Variants in LINGO2 observed in about 807,000 individuals in gnomAD.
LINGO2 encodes leucine-rich repeat and immunoglobulin-like domain-containing nogo receptor-interacting protein 2.
Under a neutral mutation model 30.6 loss-of-function variants are expected in LINGO2, and 14 were observed. The observed-to-expected ratio is 0.46, with a 90% CI of 0.30 to 0.72. LINGO2 has a LOEUF of 0.72. LINGO2 is among the 30% of genes least tolerant of loss of function. The pLI is 0.07. For synonymous variants in LINGO2, 317 were observed against 288.5 expected (o/e 1.10, Z -1.00); for missense variants, 729 against 751.7 (o/e 0.97, Z 0.35).
the LINGO2 span, among the ~76,000 whole-genome samples, chr9:28,817,740 A>G: frequency 6.2e-3 from 950 of 152,300 alleles, 11 homozygotes; most frequent in African/African-American, 0.022. Context: ...AAAAGGAGGA[A>G]GAGGAGTTCT....
the LINGO2 span, among the ~76,000 whole-genome samples, chr9:29,101,023 T>C: frequency 6.6e-4 from 100 of 152,296 alleles, 1 homozygote; most frequent in East Asian, 0.019. Flanking sequence ...GATTCATAAA[T>C]AGGATTATTT....
At chr9:28,155,827 G>A (rs2133574814) in intron 4 of LINGO2, among the ~76,000 whole-genome samples, 1 of 152,166 alleles carries the variant, frequency 6.6e-6, no homozygotes, top group African/African-American at 2.4e-5. Flanking sequence ...TAGACCATAG[G>A]AAGTGCTTTC....
chr9:29,074,638 C>G, the LINGO2 span, among the ~76,000 whole-genome samples: 3 of 149,726 alleles, frequency 2.0e-5, no homozygotes, highest in African/African-American at 7.4e-5. Context: ...TTCTGCTAAA[C>G]ACATAAGTTA....
chr9:28,418,275 C>CTTTTTTT (rs3064826), intron 2 of LINGO2, among the ~76,000 whole-genome samples: 2 of 106,760 alleles, frequency 1.9e-5, no homozygotes, highest in Admixed American at 1.1e-4. Flanking sequence ...AGGCCATGTA[C>CTTTTTTT]TTTTTTTTTT....
chr9:28,599,985 T>G (rs1159635738), intron 1 of LINGO2, among the ~76,000 whole-genome samples: 1 of 152,112 alleles, frequency 6.6e-6, no homozygotes, highest in Non-Finnish European at 1.5e-5. Context: ...TACTCATTTA[T>G]TTACAATAAA....
the LINGO2 span, among the ~76,000 whole-genome samples, chr9:29,155,391 TAAA>T: frequency 6.6e-6 from 1 of 152,074 alleles, no homozygotes; most frequent in Non-Finnish European, 1.5e-5. Context: ...TAGTCATTTT[TAAA>T]AAATTACTGT....
chr9:28,359,454 C>T (rs1406957629), intron 3 of LINGO2, among the ~76,000 whole-genome samples: 2 of 152,138 alleles, frequency 1.3e-5, no homozygotes, highest in East Asian at 3.9e-4. Flanking sequence ...TCCCCACACA[C>T]ACCACACACA....
chr9:28,879,792 A>T, the LINGO2 span, among the ~76,000 whole-genome samples: 5 of 152,144 alleles, frequency 3.3e-5, no homozygotes, highest in African/African-American at 1.2e-4. Flanking sequence ...TGGACTTGGG[A>T]ATTTCTGAGG....
chr9:27,985,998 G>A (rs1821106626), intron 5 of LINGO2, among the ~76,000 whole-genome samples: 1 of 151,790 alleles, frequency 6.6e-6, no homozygotes, highest in Non-Finnish European at 1.5e-5. Context: ...TAACAAAGGA[G>A]AGGCAATGTT....
chr9:28,233,647 G>C (rs542467855), intron 4 of LINGO2, among the ~76,000 whole-genome samples: 1 of 152,150 alleles, frequency 6.6e-6, no homozygotes, highest in South Asian at 2.1e-4. Flanking sequence ...TCCAACTCCA[G>C]CAAGTACAGC....
chr9:28,267,099 T>A (rs1028414359), intron 4 of LINGO2, among the ~76,000 whole-genome samples: 1 of 151,824 alleles, frequency 6.6e-6, no homozygotes, highest in Non-Finnish European at 1.5e-5. Context: ...CCGAGGAGGA[T>A]GAGCAAGAAA....
At chr9:28,525,830 C>T (rs1043346142) in intron 1 of LINGO2, among the ~76,000 whole-genome samples, 30 of 151,898 alleles carry the variant, frequency 2.0e-4, no homozygotes, top group African/African-American at 6.3e-4. Flanking sequence ...CCAAGGTGGG[C>T]GGATCACGAG....
chr9:28,886,473 C>G, the LINGO2 span, among the ~76,000 whole-genome samples: 1 of 152,052 alleles, frequency 6.6e-6, no homozygotes, highest in African/African-American at 2.4e-5. Context: ...CAGGGCTACT[C>G]CTTGGATTTG....
At chr9:28,085,447 G>T (rs1452361) in intron 4 of LINGO2, among the ~76,000 whole-genome samples, 32,859 of 151,962 alleles carry the variant, frequency 0.22, 3,926 homozygotes, top group East Asian at 0.27. Context: ...GGCCTCTAGG[G>T]TACTACTAGA....
At chr9:28,246,926 C>A (rs10757720) in intron 4 of LINGO2, among the ~76,000 whole-genome samples, 1 of 151,996 alleles carries the variant, frequency 6.6e-6, no homozygotes, top group African/African-American at 2.4e-5. Flanking sequence ...AACAAACAAC[C>A]CTTTTTCAAA....
Position 28,231,018 on chromosome 9 carries a change from A to T in LINGO2, c.-87+64190T>A, listed in dbSNP as rs116565466. Among the ~76,000 whole-genome samples, 819 of 152,074 alleles carry T rather than the reference A, an allele frequency of 5.4e-3. 5 individuals carry two copies. The highest frequency in any genetic ancestry group is 0.019 in the African/African-American group (789 of 41,568). On this transcript the variant is annotated intron_variant, in intron 4 of 5. Transcript: ENST00000379992. ...CAGCTATGACCACTATTTATTCAGCACACATTTCATGAGTTCCTATAAGAC... is the reference window on the plus strand; with the variant it reads ...CAGCTATGACCACTATTTATTCAGCTCACATTTCATGAGTTCCTATAAGAC...
At chr9:28,989,952 C>T in the LINGO2 span, among the ~76,000 whole-genome samples, 43 of 152,282 alleles carry the variant, frequency 2.8e-4, no homozygotes, top group African/African-American at 1.0e-3. Context: ...TCTACAGCTC[C>T]CAGCGTGAGC....
chr9:28,448,596 C>A (rs769414568), intron 2 of LINGO2, among the ~76,000 whole-genome samples: 1 of 151,962 alleles, frequency 6.6e-6, no homozygotes, highest in African/African-American at 2.4e-5. Context: ...GAAGATGATC[C>A]AGATGCAGAT....
chr9:28,399,042 G>T (rs1414727832), intron 2 of LINGO2, among the ~76,000 whole-genome samples: 1 of 152,132 alleles, frequency 6.6e-6, no homozygotes, highest in Non-Finnish European at 1.5e-5. Flanking sequence ...CAAGCTTTGG[G>T]GAGTTTGGCA....
Sources: allele counts gnomAD v4.1 joint callset (sites outside exome capture counted in the v4.1 genomes callset), GRCh38; gene constraint gnomAD v4.1.1; transcripts MANE v1.5; gene names NCBI Gene and HGNC (gene_info 2026-07-23, HGNC 2026-07-21).